IGFL2: variants seen among roughly 807,000 people sequenced by gnomAD.
IGFL2 encodes the protein insulin growth factor-like family member 2.
A neutral mutation model predicts 13.9 loss-of-function variants in IGFL2; 7 were observed. The ratio of observed to expected loss-of-function variants is 0.51; its 90% confidence interval spans 0.29 to 0.95. IGFL2 has a LOEUF of 0.95. Ranked by LOEUF, IGFL2 falls within the 40% of genes least tolerant of loss-of-function variation. The pLI, the probability that IGFL2 is intolerant of heterozygous loss-of-function variation, is 0.08. For synonymous variants in IGFL2, 55 were observed against 55.8 expected (o/e 0.99, Z 0.07); for missense variants, 138 against 147.8 (o/e 0.93, Z 0.34).
the IGFL2 span, among the ~76,000 whole-genome samples, chr19:46,119,372 G>T: frequency 6.6e-6 from 1 of 152,262 alleles, no homozygotes; most frequent in African/African-American, 2.4e-5. Context: ...CACACCAGCT[G>T]CCCAGAGGTC....
At chr19:46,079,490 C>T in the IGFL2 span, among the ~76,000 whole-genome samples, 1 of 152,132 alleles carries the variant, frequency 6.6e-6, no homozygotes, top group Non-Finnish European at 1.5e-5. Context: ...TGTTTGCACC[C>T]CTATAGCCCG....
the IGFL2 span, among the ~76,000 whole-genome samples, chr19:46,186,028 A>G: frequency 2.0e-5 from 3 of 152,000 alleles, no homozygotes; most frequent in Non-Finnish European, 4.4e-5. Context: ...ACTCTAGGAA[A>G]ATTTCCTAAT....
chr19:46,088,728 G>T, the IGFL2 span, among the ~76,000 whole-genome samples: 1 of 152,170 alleles, frequency 6.6e-6, no homozygotes, highest in Admixed American at 6.5e-5. Flanking sequence ...GAGAAGAGGC[G>T]ATGAGAATAC....
At chr19:46,176,440 A>G in the IGFL2 span, among the ~76,000 whole-genome samples, 1 of 152,106 alleles carries the variant, frequency 6.6e-6, no homozygotes, top group Non-Finnish European at 1.5e-5. Flanking sequence ...ATGCAGGAAA[A>G]CAGTGAGAGA....
upstream of IGFL2, among the ~76,000 whole-genome samples, chr19:46,147,501 T>G (rs1193491267): frequency 6.6e-6 from 1 of 152,230 alleles, no homozygotes; most frequent in Non-Finnish European, 1.5e-5. Flanking sequence ...GCCCTCGAGC[T>G]GGCTTTGATT....
the IGFL2 span, among the ~76,000 whole-genome samples, chr19:46,186,882 C>T: frequency 1.3e-5 from 2 of 152,314 alleles, no homozygotes; most frequent in South Asian, 4.1e-4. Context: ...GCTCTCTTAA[C>T]GAGCCTGCTC....
chr19:46,132,218 T>G, the IGFL2 span, among the ~76,000 whole-genome samples: 6 of 152,178 alleles, frequency 3.9e-5, no homozygotes, highest in African/African-American at 1.4e-4. Context: ...GGGTTCTCTT[T>G]TTCTGAGCAA....
intron 1 of IGFL2, among the ~76,000 whole-genome samples, chr19:46,154,419 C>T (rs1486090799): frequency 3.3e-5 from 5 of 152,014 alleles, no homozygotes; most frequent in Admixed American, 1.3e-4. Context: ...CTCTGTTAAG[C>T]TTCTGCCTGG....
At chr19:46,098,873 G>C in the IGFL2 span, among the ~76,000 whole-genome samples, 1 of 152,176 alleles carries the variant, frequency 6.6e-6, no homozygotes, top group Non-Finnish European at 1.5e-5. Context: ...CATGATGCTA[G>C]CTGGTTATTT....
downstream of IGFL2, among the ~76,000 whole-genome samples, chr19:46,165,474 A>C (rs1265721761): frequency 6.6e-6 from 1 of 152,226 alleles, no homozygotes; most frequent in African/African-American, 2.4e-5. Flanking sequence ...CCAGACACAG[A>C]GTGTGGCCAA....
chr19:46,124,340 A>G, the IGFL2 span: 11 of 1,600,438 alleles, frequency 6.9e-6, no homozygotes, highest in Non-Finnish European at 9.4e-6. Context: ...GAAAGGAAAA[A>G]GGTTGAACAT....
the IGFL2 span, among the ~76,000 whole-genome samples, chr19:46,183,583 T>C: frequency 5.6e-3 from 854 of 151,596 alleles, 6 homozygotes; most frequent in African/African-American, 0.019. Flanking sequence ...TCACCCAGGC[T>C]GCAGTACAAT....
intron 1 of IGFL2, chr19:46,149,186 C>T: frequency 1.6e-6 from 1 of 641,140 alleles, no homozygotes. Flanking sequence ...TTCTCTCTCT[C>T]TTTCTCTCTC....
At chr19:46,146,924 T>C (rs1013045570), upstream of IGFL2, among the ~76,000 whole-genome samples, 1 of 152,160 alleles carries the variant, frequency 6.6e-6, no homozygotes, top group Non-Finnish European at 1.5e-5. Context: ...AGGAAGTCAA[T>C]GGAAAACACA....
the IGFL2 span, among the ~76,000 whole-genome samples, chr19:46,211,141 A>T: frequency 6.6e-6 from 1 of 152,182 alleles, no homozygotes; most frequent in Non-Finnish European, 1.5e-5. Context: ...TTCTAGCTTC[A>T]TTCCTGGTTG....
chr19:46,145,596 A>ATGTG (rs1287833769), upstream of IGFL2, among the ~76,000 whole-genome samples: 40 of 58,608 alleles, frequency 6.8e-4, no homozygotes, highest in African/African-American at 2.4e-3. Context: ...ACACACTCAT[A>ATGTG]TATATGTGTG....
chr19:46,171,605 A>G, the IGFL2 span, among the ~76,000 whole-genome samples: 2 of 152,210 alleles, frequency 1.3e-5, no homozygotes, highest in East Asian at 3.8e-4. Flanking sequence ...CCTTGGACTC[A>G]GCATAGCTCT....
chr19:46,177,141 A>G, the IGFL2 span, among the ~76,000 whole-genome samples: 2 of 151,948 alleles, frequency 1.3e-5, no homozygotes, highest in East Asian at 1.9e-4. Context: ...GCAAACCTGT[A>G]GTTACAGCTA....
chr19:46,130,590 G>C, the IGFL2 span, among the ~76,000 whole-genome samples: 6 of 152,138 alleles, frequency 3.9e-5, no homozygotes, highest in African/African-American at 1.4e-4. Context: ...GTTTAAACTA[G>C]CTTAAGCTGT....
Sources: gnomAD v4.1 joint callset for allele counts (sites outside exome capture counted in the v4.1 genomes callset) on GRCh38, gnomAD v4.1.1 for gene constraint, MANE v1.5 for transcripts, NCBI Gene and HGNC (gene_info 2026-07-23, HGNC 2026-07-21) for gene names.